SOCS5: variants seen among roughly 807,000 people sequenced by gnomAD.
SOCS5 encodes CIS-6.
Under a neutral mutation model 42.8 loss-of-function variants are expected in SOCS5, and 32 were observed. That is an observed-to-expected ratio of 0.75 (90% confidence interval 0.56 to 1.01). SOCS5 has a LOEUF of 1.01. SOCS5 is among the 50% of genes least tolerant of loss of function. The probability of loss-of-function intolerance (pLI) is 0.00; values close to 1 mark genes in which losing one functional copy is unlikely to be tolerated. For synonymous variants in SOCS5, 283 were observed against 229.6 expected, an observed-to-expected ratio of 1.23 and a Z score of -2.10; for missense variants, 627 against 653.0, an observed-to-expected ratio of 0.96 and a Z score of 0.43.
At chr2:46,749,604 A>G (rs17822704) in intron 1 of SOCS5, among the ~76,000 whole-genome samples, 10,241 of 152,288 alleles carry the variant, frequency 0.067, 378 homozygotes, top group Middle Eastern at 0.13. Flanking sequence ...TCTAGTGTAC[A>G]GTATCTATAG....
chr2:46,709,568 C>T (rs1364599468), intron 1 of SOCS5, among the ~76,000 whole-genome samples: 1 of 152,146 alleles, frequency 6.6e-6, no homozygotes, highest in Non-Finnish European at 1.5e-5. Flanking sequence ...TTGGGAAAAA[C>T]AGTACCAAGA....
At chr2:46,729,487 A>G (rs1673067770) in intron 1 of SOCS5, among the ~76,000 whole-genome samples, 2 of 152,270 alleles carry the variant, frequency 1.3e-5, no homozygotes, top group African/African-American at 4.8e-5. Context: ...CTCGTAGGCT[A>G]CAAACCTGTA....
intron 1 of SOCS5, among the ~76,000 whole-genome samples, chr2:46,719,042 G>A (rs141711390): frequency 3.9e-5 from 6 of 152,116 alleles, no homozygotes; most frequent in Non-Finnish European, 8.8e-5. Flanking sequence ...AAATGATTAG[G>A]TTATGCTATA....
At chr2:46,712,640 C>A (rs752515517) in intron 1 of SOCS5, among the ~76,000 whole-genome samples, 1 of 152,164 alleles carries the variant, frequency 6.6e-6, no homozygotes, top group Non-Finnish European at 1.5e-5. Flanking sequence ...CTGTGCCCGG[C>A]CTGTTCAGCT....
intron 1 of SOCS5, among the ~76,000 whole-genome samples, chr2:46,754,882 C>G (rs1381089282): frequency 6.6e-6 from 1 of 152,164 alleles, no homozygotes; most frequent in Non-Finnish European, 1.5e-5. Flanking sequence ...CCACACATTC[C>G]TGAAATTCTG....
At chr2:46,737,016 TCA>T (rs962504101) in intron 1 of SOCS5, among the ~76,000 whole-genome samples, 12 of 152,204 alleles carry the variant, frequency 7.9e-5, no homozygotes, top group African/African-American at 2.7e-4. Context: ...CAACCTGTAC[TCA>T]CATAGCTTCT....
intron 1 of SOCS5, among the ~76,000 whole-genome samples, chr2:46,718,114 TG>T (rs1334283124): frequency 3.2e-4 from 48 of 152,252 alleles, no homozygotes; most frequent in Middle Eastern, 3.4e-3. Context: ...TGTGTGTGTG[TG>T]TGTTTCCCCT....
At chr2:46,704,587 A>G (rs945679994) in intron 1 of SOCS5, among the ~76,000 whole-genome samples, 1 of 152,186 alleles carries the variant, frequency 6.6e-6, no homozygotes, top group Non-Finnish European at 1.5e-5. Context: ...ATGTAATACT[A>G]TTATGTACTG....
At position 46,715,381 on chromosome 2, in the gene SOCS5, AAAAAG is replaced by A. The variant is rs990012982; in HGVS notation, c.-13+15942_-13+15946del. ...AGAGTAACACCCTGTCAAAAAAAAAAAAAAGAAAAGAAAAAAGAAAAATGTCTTTA... is the reference window on the plus strand; with the variant it reads ...AGAGTAACACCCTGTCAAAAAAAAAAAAAAGAAAAAAGAAAAATGTCTTTA... On this transcript the variant is annotated intron_variant, in intron 1 of 1. Coordinates refer to ENST00000394861, the MANE Select transcript of SOCS5 (RefSeq NM_144949.3). Among the ~76,000 whole-genome samples the A allele has an allele frequency of 8.6e-5, 13 of 151,956 alleles. No homozygotes were observed. In the South Asian group the frequency reaches 1.0e-3, roughly 12 times the overall value.
intron 1 of SOCS5, among the ~76,000 whole-genome samples, chr2:46,737,000 G>A (rs2103735618): frequency 6.6e-6 from 1 of 152,210 alleles, no homozygotes; most frequent in African/African-American, 2.4e-5. Context: ...TGGATTTAGG[G>A]ATGCTCAACC....
At chr2:46,740,459 T>A (rs1273085399) in intron 1 of SOCS5, among the ~76,000 whole-genome samples, 1 of 152,222 alleles carries the variant, frequency 6.6e-6, no homozygotes, top group African/African-American at 2.4e-5. Context: ...ATACACATGA[T>A]GTGTATCATA....
intron 1 of SOCS5, among the ~76,000 whole-genome samples, chr2:46,750,369 A>G (rs889216557): frequency 2.6e-5 from 4 of 152,132 alleles, no homozygotes; most frequent in Non-Finnish European, 5.9e-5. Flanking sequence ...TTTTTTAATT[A>G]GAAAAAGAAA....
chr2:46,733,269 A>G (rs1673168410), intron 1 of SOCS5, among the ~76,000 whole-genome samples: 2 of 151,906 alleles, frequency 1.3e-5, no homozygotes, highest in Non-Finnish European at 1.5e-5. Context: ...TAAGTTTTAT[A>G]TTTTTAGTAG....
chr2:46,734,800 A>G (rs958295856), intron 1 of SOCS5, among the ~76,000 whole-genome samples: 3 of 152,224 alleles, frequency 2.0e-5, no homozygotes, highest in African/African-American at 7.2e-5. Flanking sequence ...GAATAAGACC[A>G]CATCCAGGAA....
At chr2:46,711,767 A>C (rs1672628343) in intron 1 of SOCS5, among the ~76,000 whole-genome samples, 1 of 152,104 alleles carries the variant, frequency 6.6e-6, no homozygotes, top group Non-Finnish European at 1.5e-5. Flanking sequence ...TGAGGTGATA[A>C]TTTTGTGTAT....
intron 1 of SOCS5, among the ~76,000 whole-genome samples, chr2:46,724,099 C>T (rs756110304): frequency 1.6e-4 from 24 of 151,948 alleles, no homozygotes; most frequent in Non-Finnish European, 3.4e-4. Context: ...GTGTGTTGAC[C>T]TGTATCCTGT....
chr2:46,740,191 G>T (rs1405037767), intron 1 of SOCS5, among the ~76,000 whole-genome samples: 3 of 152,286 alleles, frequency 2.0e-5, no homozygotes, highest in East Asian at 3.9e-4. Context: ...TTTCAATCGT[G>T]AATGACCTTA....
intron 1 of SOCS5, among the ~76,000 whole-genome samples, chr2:46,733,606 A>T (rs1673177705): frequency 6.6e-6 from 1 of 151,562 alleles, no homozygotes; most frequent in Non-Finnish European, 1.5e-5. Context: ...AGGAATAACC[A>T]TTGTAAGGGA....
At chr2:46,747,253 C>T (rs1673523334) in intron 1 of SOCS5, among the ~76,000 whole-genome samples, 1 of 151,942 alleles carries the variant, frequency 6.6e-6, no homozygotes, top group South Asian at 2.1e-4. Context: ...CAGGATTTTG[C>T]TCTGTTGGTC....
Sources: gnomAD v4.1 joint callset for allele counts (sites outside exome capture counted in the v4.1 genomes callset) on GRCh38, gnomAD v4.1.1 for gene constraint, MANE v1.5 for transcripts, NCBI Gene and HGNC (gene_info 2026-07-23, HGNC 2026-07-21) for gene names.